TRIB2: variants seen among roughly 807,000 people sequenced by gnomAD.
The protein encoded by TRIB2 is tribbles homolog 2.
In TRIB2, 2 loss-of-function variants were observed where a neutral mutation model predicts 26.8. The ratio of observed to expected loss-of-function variants is 0.07; its 90% CI spans 0.03 to 0.24. The LOEUF is 0.24. TRIB2 is among the 10% of genes least tolerant of loss of function. The probability of loss-of-function intolerance (pLI) is 1.00; values close to 1 mark genes in which losing one functional copy is unlikely to be tolerated. For synonymous variants in TRIB2, 189 were observed against 187.3 expected, an observed-to-expected ratio of 1.01 and a Z score of -0.08; for missense variants, 306 against 449.0, an observed-to-expected ratio of 0.68 and a Z score of 2.88.
Position 12,718,461 on chromosome 2 carries a change from C to T in TRIB2, c.154C>T (p.Pro52Ser), listed in dbSNP as rs1482195212. The change falls in exon 1 of 3, where the codon CCG becomes TCG. Residue 52 changes from proline (P) to serine (S), a missense_variant. Physicochemically the swap from Pro to Ser is moderately conservative, Grantham distance 74. Transcript: ENST00000155926. This position sits in a 1 kb window ranked among gnomAD's most constrained non-coding sequence, Gnocchi z 4.0. The stretch of plus-strand genomic sequence containing the variant: ...CGGCTCCCCGAGCCCGCCCGAGACT[C>T]CGAACTTGTCGCATTGCGTTTCTTG... ...NLGSPSPPET[P>S]NLSHCVSCIG... 1 of 1,614,100 alleles carries T rather than the reference C, an allele frequency of 6.2e-7. No homozygotes were observed. Among genetic ancestry groups the T allele is most frequent in the African/African-American group, 1.3e-5 (1 of 74,932 alleles).
In TRIB2 at chr2:12,740,737, T is replaced by C. The variant is rs1228358343; in HGVS notation, c.975T>C (p.Ser325=). 1 of 1,614,210 alleles carries C rather than the reference T, an allele frequency of 6.2e-7. No individual in the cohort carries two copies. The highest frequency in any genetic ancestry group is 1.1e-5 in the South Asian group (1 of 91,092). The part of the protein sequence containing the change: ...SNSAYGAKEV[S]DQLVPDVNME... ...CAGCATATGGTGCTAAGGAAGTGTC[T>C]GACCAGCTGGTGCCGGACGTCAACA... Residue 325 remains serine (S), a synonymous_variant, in exon 3 of 3, where the codon TCT becomes TCC. Transcript: ENST00000155926. The surrounding 1 kb of genome is among the most constrained non-coding windows in gnomAD (Gnocchi z 5.8).
intron 2 of TRIB2, among the ~76,000 whole-genome samples, chr2:12,738,172 A>C (rs1052141067): frequency 5.3e-5 from 8 of 152,124 alleles, no homozygotes; most frequent in Non-Finnish European, 7.4e-5. Flanking sequence ...GTTAATTTGA[A>C]CCTTGCCCCG....
At position 12,740,272 on chromosome 2, in the gene TRIB2, G is replaced by A. The variant is rs180979574; in HGVS notation, c.564-54G>A. Reference sequence around the variant, plus strand: ...TAGTCGGTTATGTTATGATGCTGGTGGTAACGTGTCTCTGAGCACCCTCAG... The same window carrying A: ...TAGTCGGTTATGTTATGATGCTGGTAGTAACGTGTCTCTGAGCACCCTCAG... On this transcript the variant is annotated intron_variant, in intron 2 of 2. Transcript: ENST00000155926. This position sits in a 1 kb window ranked among gnomAD's most constrained non-coding sequence, Gnocchi z 5.8. 2.7e-5 allele frequency: 40 copies of A among 1,507,110 alleles called. No homozygotes were observed. In the African/African-American group the frequency reaches 5.0e-4, roughly 19 times the overall value. The allele number at this position is 1,507,110 out of a possible 1,614,324, so 93.4% of individuals were successfully genotyped here. A position where few individuals can be genotyped will look rare whatever the true frequency, so the allele number is the denominator to read the frequency against.
chr2:12,719,052 A>G (rs1189918585), intron 1 of TRIB2, among the ~76,000 whole-genome samples: 1 of 152,164 alleles, frequency 6.6e-6, no homozygotes, highest in Non-Finnish European at 1.5e-5. Context: ...TTTAAAACAG[A>G]CACACAAAGG....
chr2:12,726,851 A>G (rs1558316553), intron 2 of TRIB2, among the ~76,000 whole-genome samples: 1 of 152,214 alleles, frequency 6.6e-6, no homozygotes, highest in Non-Finnish European at 1.5e-5. Context: ...CACCTGGTGC[A>G]GAAGAAGACC....
intron 2 of TRIB2, among the ~76,000 whole-genome samples, chr2:12,739,114 G>A (rs1045061041): frequency 6.6e-6 from 1 of 152,112 alleles, no homozygotes; most frequent in Non-Finnish European, 1.5e-5. Flanking sequence ...ACGCAGACAC[G>A]TGGGAAATTG....
chr2:12,723,136 G>A, intron 1 of TRIB2, 124 bp from the exon 2 acceptor site: 4 of 1,099,924 alleles, frequency 3.6e-6, no homozygotes, highest in African/African-American at 1.6e-5. Context: ...AATGTGGTCT[G>A]GGTCCAAGTT....
chr2:12,718,390 C>G lies in TRIB2; in HGVS notation c.83C>G (p.Ser28Trp). The change falls in exon 1 of 3, where the codon TCG (serine) becomes TGG (tryptophan). Residue 28 changes from serine to tryptophan, a missense_variant. Ser to Trp is a radical substitution (Grantham distance 177, BLOSUM62 -3). Transcript: ENST00000155926. This position sits in a 1 kb window ranked among gnomAD's most constrained non-coding sequence, Gnocchi z 4.0. ...AAAACCCAGGATTTCGAAGAGTTGTCGTCTATAAGGTCCGCGGAGCCCAGC... is the reference window on the plus strand; with the variant it reads ...AAAACCCAGGATTTCGAAGAGTTGTGGTCTATAAGGTCCGCGGAGCCCAGC... ...RNKTQDFEEL[S>W]SIRSAEPSQS... 6.2e-7 allele frequency: 1 copy of G among 1,614,154 alleles called. No individual in the cohort carries two copies. The highest frequency in any genetic ancestry group is 8.5e-7 in the Non-Finnish European group (1 of 1,180,028).
At position 12,737,530 on chromosome 2, in the gene TRIB2, T is replaced by G. The variant is rs956410968; in HGVS notation, c.564-2796T>G. The G allele has an allele frequency of 4.5e-5, 7 of 154,636 alleles. No individual in the cohort carries two copies. The East Asian group carries it at 5.8e-4, about 13-fold the overall frequency. 9.6% of individuals were successfully genotyped at this position (154,636 alleles called of 1,614,324 possible). A position where few individuals can be genotyped will look rare whatever the true frequency, so the allele number is the denominator to read the frequency against. Reference sequence around the variant, plus strand: ...GCCAGCTCCACCTGCCACCTTAGATTAGGAAACGCAAAAGGACAAAAGAGA... The same window carrying G: ...GCCAGCTCCACCTGCCACCTTAGATGAGGAAACGCAAAAGGACAAAAGAGA... On this transcript the variant is annotated intron_variant, in intron 2 of 2. Coordinates refer to ENST00000155926, the MANE Select transcript of TRIB2 (RefSeq NM_021643.4).
intron 2 of TRIB2, among the ~76,000 whole-genome samples, chr2:12,729,292 T>C (rs1661402727): frequency 6.6e-6 from 1 of 152,218 alleles, no homozygotes; most frequent in Admixed American, 6.5e-5. Flanking sequence ...ACATAGGCTG[T>C]CTCATGTTCA....
At chr2:12,736,226 G>A (rs757896353) in intron 2 of TRIB2, among the ~76,000 whole-genome samples, 16 of 152,136 alleles carry the variant, frequency 1.1e-4, no homozygotes, top group Non-Finnish European at 1.9e-4. Flanking sequence ...TGACACAGTC[G>A]GGGAAGCACA....
chr2:12,719,473 GA>G (rs1666677274), intron 1 of TRIB2, among the ~76,000 whole-genome samples: 1 of 151,922 alleles, frequency 6.6e-6, no homozygotes, highest in Non-Finnish European at 1.5e-5. Flanking sequence ...GATGAGGGGC[GA>G]AATAGTTGCG....
At chr2:12,723,218 G>A (rs536415732) in intron 1 of TRIB2, 42 bp from the exon 2 acceptor site, 7 of 1,582,238 alleles carry the variant, frequency 4.4e-6, no homozygotes, top group Non-Finnish European at 6.0e-6. Flanking sequence ...GGTTGTACAA[G>A]AGGCACCTCT....
rs1362829766 is a variant in TRIB2, at chr2:12,717,896, C to A, written c.-412C>A. On this transcript the variant is annotated 5_prime_UTR_variant, in exon 1 of 3. Coordinates refer to ENST00000155926, the MANE Select transcript of TRIB2 (RefSeq NM_021643.4). The surrounding 1 kb of genome is among the most constrained non-coding windows in gnomAD (Gnocchi z 4.8). ...AGACTGCACAAACTACCGCGGGCTC[C>A]TCCGCCCCGTCTGCGATTCGGAAGC... 2 of 242,028 alleles carry A rather than the reference C, an allele frequency of 8.3e-6. No homozygotes were observed. Among genetic ancestry groups the A allele is most frequent in the African/African-American group, 2.2e-5 (1 of 44,570 alleles). The allele number at this position is 242,028 out of a possible 1,614,324, so 15.0% of individuals were successfully genotyped here. A position where few individuals can be genotyped will look rare whatever the true frequency, so the allele number is the denominator to read the frequency against.
intron 2 of TRIB2, chr2:12,737,263 A>C (rs1661601322): frequency 6.5e-6 from 1 of 154,350 alleles, no homozygotes; most frequent in Non-Finnish European, 1.5e-5. Flanking sequence ...CAGATGGGAG[A>C]GCTTGTTTTT....
Position 12,723,390 on chromosome 2 carries a change from A to G in TRIB2, c.401A>G (p.Tyr134Cys). 6.2e-7 allele frequency: 1 copy of G among 1,614,240 alleles called. No individual in the cohort carries two copies. Among genetic ancestry groups the G allele is most frequent in the Non-Finnish European group, 8.5e-7 (1 of 1,180,026 alleles). ...GCCTATGTGTTCTTTGAGCGAAGCT[A>G]TGGGGACATGCATTCCTTCGTCCGC... ...TKAYVFFERS[Y>C]GDMHSFVRTC... is the part of the protein sequence containing the mutation. The change falls in exon 2 of 3, where the codon TAT becomes TGT. Residue 134 changes from tyrosine to cysteine, a missense_variant. Around this residue, in one of 4 missense-constraint regions of TRIB2, gnomAD observed 118 missense variants for 188.8 expected, o/e 0.63. Coordinates refer to ENST00000155926, the MANE Select transcript of TRIB2 (RefSeq NM_021643.4).
At chr2:12,728,747 A>G (rs753790887) in intron 2 of TRIB2, among the ~76,000 whole-genome samples, 18 of 152,192 alleles carry the variant, frequency 1.2e-4, no homozygotes, top group Non-Finnish European at 2.4e-4. Context: ...GGCTTTCGGT[A>G]TAATAAACGC....
chr2:12,724,892 CT>C, intron 2 of TRIB2: 1 of 1,525,834 alleles, frequency 6.6e-7, no homozygotes, highest in Non-Finnish European at 8.8e-7. Context: ...TCTCTCTACC[CT>C]TGTATGTTCC....
At position 12,718,176 on chromosome 2, in the gene TRIB2, G is replaced by T. The variant is rs1666641897; in HGVS notation, c.-132G>T. ...GGGCTTCTAACTCTTTCTCCACGCA[G>T]CCCCTCTTCTGTCCCCTCCCCTCTC... is the stretch of plus-strand genomic sequence containing the variant. On this transcript the variant is annotated 5_prime_UTR_variant, in exon 1 of 3. Coordinates refer to ENST00000155926, the MANE Select transcript of TRIB2 (RefSeq NM_021643.4). This position sits in a 1 kb window ranked among gnomAD's most constrained non-coding sequence, Gnocchi z 4.0. 2 of 1,230,160 alleles carry T rather than the reference G, an allele frequency of 1.6e-6. No homozygotes were observed. Among genetic ancestry groups the T allele is most frequent in the South Asian group, 3.2e-5 (2 of 61,966 alleles). The allele number at this position is 1,230,160 out of a possible 1,614,324, so 76.2% of individuals were successfully genotyped here.
Sources: gnomAD v4.1 joint callset for allele counts (sites outside exome capture counted in the v4.1 genomes callset) on GRCh38, gnomAD v4.1.1 for gene constraint, gnomAD v4.1.1 regional missense constraint, Gnocchi (gnomAD v3.1) non-coding constraint, MANE v1.5 for transcripts, NCBI Gene and HGNC (gene_info 2026-07-23, HGNC 2026-07-21) for gene names.